EPCIP: variants seen among roughly 807,000 people sequenced by gnomAD.
The protein encoded by EPCIP is exosomal polycystin-1-interacting protein.
the EPCIP span, chr21:32,796,902 G>A: frequency 8.4e-5 from 39 of 462,378 alleles, no homozygotes; most frequent in African/African-American, 2.4e-4. Flanking sequence ...TCATCAGCCC[G>A]AACCTAGTGA....
At chr21:32,794,199 T>C in the EPCIP span, 3 of 1,614,160 alleles carry the variant, frequency 1.9e-6, no homozygotes, top group Non-Finnish European at 2.5e-6. Context: ...CCATTGTAGC[T>C]GGTTCGCTCT....
At chr21:32,809,284 CTT>C in the EPCIP span, among the ~76,000 whole-genome samples, 3,688 of 107,534 alleles carry the variant, frequency 0.034, 260 homozygotes, top group East Asian at 0.15. Context: ...TCCTTCCTTT[CTT>C]TCTTTCTTTC....
At chr21:32,807,385 T>C in the EPCIP span, among the ~76,000 whole-genome samples, 1 of 144,096 alleles carries the variant, frequency 6.9e-6, no homozygotes, top group Non-Finnish European at 1.5e-5. Context: ...CAGGCTGGAG[T>C]GCAATGGCTT....
chr21:32,799,587 C>A, the EPCIP span, among the ~76,000 whole-genome samples: 3 of 152,308 alleles, frequency 2.0e-5, no homozygotes, highest in Admixed American at 6.5e-5. Flanking sequence ...GCTTCTGACT[C>A]TTGAGCCTTT....
the EPCIP span, among the ~76,000 whole-genome samples, chr21:32,800,613 C>A: frequency 6.6e-6 from 1 of 152,098 alleles, no homozygotes; most frequent in Admixed American, 6.5e-5. Flanking sequence ...GTCAGGAGTT[C>A]GAGACCAGCC....
the EPCIP span, among the ~76,000 whole-genome samples, chr21:32,800,831 A>AG: frequency 1.3e-5 from 2 of 152,112 alleles, no homozygotes; most frequent in Non-Finnish European, 2.9e-5. Context: ...ACCAAAAAAA[A>AG]AAAAAACATG....
chr21:32,794,439 C>T, the EPCIP span: 1 of 1,601,078 alleles, frequency 6.2e-7, no homozygotes, highest in Admixed American at 1.7e-5. Context: ...CAGCATGGGC[C>T]AGCGTGTTTA....
At chr21:32,792,963 A>C in the EPCIP span, among the ~76,000 whole-genome samples, 2 of 150,146 alleles carry the variant, frequency 1.3e-5, no homozygotes. Context: ...CCCAGGCTGG[A>C]GTGCAATGGT....
chr21:32,804,100 T>C, the EPCIP span, among the ~76,000 whole-genome samples: 1 of 152,160 alleles, frequency 6.6e-6, no homozygotes, highest in South Asian at 2.1e-4. Context: ...GCTTCAAGTA[T>C]GCAATTTGGG....
chr21:32,793,646 C>T, the EPCIP span: 38 of 905,732 alleles, frequency 4.2e-5, no homozygotes, highest in South Asian at 1.1e-4. Flanking sequence ...ATGGAGCCTG[C>T]GGAGAGAGGC....
the EPCIP span, among the ~76,000 whole-genome samples, chr21:32,806,385 G>T: frequency 6.6e-6 from 1 of 152,230 alleles, no homozygotes; most frequent in Non-Finnish European, 1.5e-5. Context: ...TCAGCATCCA[G>T]TGGGGGCTGG....
the EPCIP span, among the ~76,000 whole-genome samples, chr21:32,804,852 G>GTGAA: frequency 1.3e-5 from 2 of 152,174 alleles, no homozygotes; most frequent in African/African-American, 2.4e-5. Flanking sequence ...TAACTTAAAT[G>GTGAA]TGAATGAAAT....
the EPCIP span, chr21:32,793,802 A>C: frequency 6.2e-7 from 1 of 1,614,068 alleles, no homozygotes; most frequent in Non-Finnish European, 8.5e-7. Flanking sequence ...GTTGCTTGGC[A>C]TTGGGAAGGT....
At chr21:32,795,672 C>G in the EPCIP span, among the ~76,000 whole-genome samples, 3 of 152,294 alleles carry the variant, frequency 2.0e-5, no homozygotes, top group South Asian at 6.2e-4. Context: ...AACATGTGTC[C>G]AAAGAGTACA....
chr21:32,803,420 A>G, the EPCIP span, among the ~76,000 whole-genome samples: 242 of 152,230 alleles, frequency 1.6e-3, 1 homozygote, highest in Middle Eastern at 3.4e-3. Context: ...TCCAGTGCCC[A>G]CTTGTCCAGG....
the EPCIP span, among the ~76,000 whole-genome samples, chr21:32,805,121 A>G: frequency 1.3e-5 from 2 of 152,206 alleles, no homozygotes; most frequent in Non-Finnish European, 2.9e-5. Context: ...CCTTATAAGA[A>G]GAAGGCAATA....
chr21:32,805,793 A>T, the EPCIP span, among the ~76,000 whole-genome samples: 1 of 152,160 alleles, frequency 6.6e-6, no homozygotes, highest in Non-Finnish European at 1.5e-5. Flanking sequence ...AGTGTTTGCT[A>T]ATTACATTAT....
At chr21:32,792,653 T>G in the EPCIP span, among the ~76,000 whole-genome samples, 1 of 152,312 alleles carries the variant, frequency 6.6e-6, no homozygotes, top group South Asian at 2.1e-4. Flanking sequence ...AGTGAAGAAC[T>G]TTCCTTGCAG....
the EPCIP span, among the ~76,000 whole-genome samples, chr21:32,800,821 A>C: frequency 0.19 from 4,065 of 21,374 alleles, 66 homozygotes; most frequent in Middle Eastern, 0.26. Context: ...CAAAAAAAAA[A>C]CCAAAAAAAA....
Sources: allele counts gnomAD v4.1 joint callset (sites outside exome capture counted in the v4.1 genomes callset), GRCh38; gene constraint gnomAD v4.1.1; transcripts MANE v1.5; gene names NCBI Gene and HGNC (gene_info 2026-07-23, HGNC 2026-07-21).